The following TSC2 variants were observed in gnomAD, a reference collection of about 807,000 sequenced individuals.
TSC2 encodes tuberin.
Under a neutral mutation model 202.2 loss-of-function variants are expected in TSC2, and 29 were observed. That is an observed-to-expected ratio of 0.14 (90% CI 0.11 to 0.20). The LOEUF (loss-of-function observed/expected upper bound fraction) is 0.20. Ranked by LOEUF, TSC2 falls within the 10% of genes least tolerant of loss-of-function variation. The pLI is 1.00. For missense variants in TSC2, 2,429 were observed against 2,420.0 expected (o/e 1.00, Z -0.08); for synonymous variants, 1,349 against 1,044.0 (o/e 1.29, Z -5.63).
In TSC2 at chr16:2,062,848, CTG is replaced by C. The variant is rs2086804201; in HGVS notation, c.1362-121_1362-120del. 2.7e-6 allele frequency: 3 copies of C among 1,129,512 alleles called. No homozygotes were observed. The African/African-American group carries it at 4.6e-5, about 17-fold the overall frequency. 70.0% of individuals were successfully genotyped at this position (1,129,512 alleles called of 1,614,324 possible). On this transcript the variant is annotated intron_variant, in intron 13 of 41. Transcript: ENST00000219476. ...GAGATGCTCCCTGGGAAGCAGAGCT[CTG>C]TGCCCTGTGTGCCTGGCCGCGGGAG... is the stretch of plus-strand genomic sequence containing the variant.
chr16:2,065,209 C>T lies in TSC2; in HGVS notation c.1600-310C>T, dbSNP rs146267799. On this transcript the variant is annotated intron_variant, in intron 15 of 41. Coordinates refer to ENST00000219476, the MANE Select transcript of TSC2 (RefSeq NM_000548.5). Reference sequence around the variant, plus strand: ...CAGGCGGATCATGAGGTCAGGAGATCAAGACCATCCTGGCTAACACGGTGA... The same window carrying T: ...CAGGCGGATCATGAGGTCAGGAGATTAAGACCATCCTGGCTAACACGGTGA... The T allele has an allele frequency of 0.015, 5,207 of 341,720 alleles. 265 individuals are homozygous for T. The highest frequency in any genetic ancestry group is 0.1 in the African/African-American group (4,785 of 47,022). The allele number at this position is 341,720 out of a possible 1,614,324, so 21.2% of individuals were successfully genotyped here.
intron 2 of TSC2, among the ~76,000 whole-genome samples, chr16:2,049,025 A>G (rs1404782174): frequency 6.6e-6 from 1 of 152,210 alleles, no homozygotes; most frequent in Non-Finnish European, 1.5e-5. Flanking sequence ...TCATCTTCAC[A>G]GGTAAGGATA....
chr16:2,084,197 C>T (rs1374910521), intron 33 of TSC2, 31 bp from the exon 34 acceptor site: 3 of 1,557,800 alleles, frequency 1.9e-6, no homozygotes, highest in South Asian at 1.2e-5. Context: ...TGCCTGCTGA[C>T]AGGGGTTCTC....
At chr16:2,076,344 G>A (rs540653118) in intron 24 of TSC2, 147 bp from the exon 25 acceptor site, 8 of 1,562,348 alleles carry the variant, frequency 5.1e-6, no homozygotes, top group Admixed American at 1.8e-5. Context: ...TTTGATGCGC[G>A]GCAGGCATTG....
rs2090266691 is a variant in TSC2 at position 2,082,490 on chromosome 16, G to A, written c.3869G>A (p.Ser1290Asn). ...QSSCQGQLHRSVSWADSAVVM... is the reference protein window; with the variant it reads ...QSSCQGQLHRNVSWADSAVVM... ...AGCTGCCAAGGACAGCTGCACAGGA[G>A]CGTTTCCTGGGCAGGTATCGCCTCT... is the stretch of plus-strand genomic sequence containing the variant. Residue 1290 changes from serine to asparagine, a missense_variant, in exon 32 of 42, where the codon AGC (serine) becomes AAC (asparagine). Transcript: ENST00000219476. The A allele has an allele frequency of 6.2e-7, 1 of 1,612,034 alleles. No homozygotes were observed. The highest frequency in any genetic ancestry group is 8.5e-7 in the Non-Finnish European group (1 of 1,180,002).
At position 2,070,555 on chromosome 16, in the gene TSC2, A is replaced by G. The variant is rs371074761; in HGVS notation, c.1816A>G (p.Ile606Val). The change falls in exon 17 of 42, where the codon ATC (isoleucine) becomes GTC (valine). Residue 606 changes from isoleucine (I) to valine (V), a missense_variant. Coordinates refer to ENST00000219476, the MANE Select transcript of TSC2 (RefSeq NM_000548.5). ...LHYKHSYTLP[I>V]ASSIRLQAFD... ...CTACAAGCACAGCTACACCCTGCCA[A>G]TCGCGAGCAGCATCCGGCTGCAGGT... The G allele has an allele frequency of 1.0e-4, 161 of 1,613,034 alleles. No individual in the cohort carries two copies. Among genetic ancestry groups the G allele is most frequent in the Non-Finnish European group, 1.3e-4 (154 of 1,180,028 alleles).
intron 26 of TSC2, chr16:2,078,103 ATT>A: frequency 3.2e-6 from 1 of 308,810 alleles, no homozygotes; most frequent in Non-Finnish European, 6.3e-6. Flanking sequence ...AACAAGGTTT[ATT>A]TTTTGTTGTA....
At chr16:2,073,157 C>G (rs191719135) in intron 21 of TSC2, among the ~76,000 whole-genome samples, 174 bp downstream of exon 21, 17 of 152,226 alleles carry the variant, frequency 1.1e-4, no homozygotes, top group African/African-American at 3.4e-4. Flanking sequence ...ATCCGATTCC[C>G]TGGTGCTTCT....
chr16:2,048,016 G>A lies in TSC2; in HGVS notation c.-79G>A, dbSNP rs560939171. 7.5e-6 allele frequency: 11 copies of A among 1,465,452 alleles called. No individual in the cohort carries two copies. The highest frequency in any genetic ancestry group is 2.4e-5 in the Admixed American group (1 of 41,984). The allele number at this position is 1,465,452 out of a possible 1,614,324, so 90.8% of individuals were successfully genotyped here. ...GGCGGCGTCCCGGGGCCAGGGGGGT[G>A]CGCCTTTCTCCGCGTCGGGGCGGCC... is the stretch of plus-strand genomic sequence containing the variant. On this transcript the variant is annotated 5_prime_UTR_variant, in exon 1 of 42. Transcript: ENST00000219476.
At position 2,052,091 on chromosome 16, in the gene TSC2, G is replaced by A. The variant is rs1207861058; in HGVS notation, c.226-1251G>A. ...AAACAAAAAAAAGAACAAGCGTCCTGCATCCTGTTCTGAAAGTTGTTTGTG... is the reference window on the plus strand; with the variant it reads ...AAACAAAAAAAAGAACAAGCGTCCTACATCCTGTTCTGAAAGTTGTTTGTG... On this transcript the variant is annotated intron_variant, in intron 3 of 41. Transcript: ENST00000219476. 2.0e-5 allele frequency among the ~76,000 whole-genome samples: 3 copies of A among 152,148 alleles called. No homozygotes were observed. The East Asian group carries it at 5.8e-4, about 29-fold the overall frequency.
In TSC2 at chr16:2,088,750, C is replaced by T. The variant is rs894010540; in HGVS notation, c.*140C>T. ...TTTTATTGACTTTGTCTGCTTGGTGCGGGGGTTGGGGGGGTGTCGAGGCTC... is the reference window on the plus strand; with the variant it reads ...TTTTATTGACTTTGTCTGCTTGGTGTGGGGGTTGGGGGGGTGTCGAGGCTC... On this transcript the variant is annotated 3_prime_UTR_variant, in exon 42 of 42. Coordinates refer to ENST00000219476, the MANE Select transcript of TSC2 (RefSeq NM_000548.5). 6.1e-5 allele frequency: 74 copies of T among 1,219,088 alleles called. No homozygotes were observed. Among genetic ancestry groups the T allele is most frequent in the Middle Eastern group, 2.5e-4 (1 of 3,992 alleles). The allele number at this position is 1,219,088 out of a possible 1,614,324, so 75.5% of individuals were successfully genotyped here.
chr16:2,085,142 C>T (rs958296880), intron 35 of TSC2, 88 bp from the exon 36 acceptor site: 30 of 1,602,552 alleles, frequency 1.9e-5, no homozygotes, highest in Non-Finnish European at 2.6e-5. Flanking sequence ...GCCTAAGCTC[C>T]CTGTGGCAGC....
intron 1 of TSC2, 77 bp from the exon 2 acceptor site, chr16:2,048,510 G>A (rs1291944092): frequency 5.1e-6 from 8 of 1,582,230 alleles, no homozygotes; most frequent in Non-Finnish European, 6.9e-6. Flanking sequence ...CCAGGGTCCT[G>A]ACGGCTGGAG....
intron 17 of TSC2, 58 bp downstream of exon 17, chr16:2,070,636 T>C: frequency 1.2e-6 from 2 of 1,610,776 alleles, no homozygotes; most frequent in Non-Finnish European, 1.7e-6. Flanking sequence ...TATCCCCGTC[T>C]CGGCAGGTGT....
rs2090786691 is a variant in TSC2 at position 2,086,351 on chromosome 16, C to T, written c.4821C>T (p.Thr1607=). The change falls in exon 37 of 42, where the codon ACC becomes ACT. Residue 1607 remains threonine (T), a synonymous_variant. Coordinates refer to ENST00000219476, the MANE Select transcript of TSC2 (RefSeq NM_000548.5). Reference sequence around the variant, plus strand: ...TGTGTGGTGAGGACGGCCAGTTCACCTACTGCTGGCACGATGACATCATGC... The same window carrying T: ...TGTGTGGTGAGGACGGCCAGTTCACTTACTGCTGGCACGATGACATCATGC... ...LDVCGEDGQF[T]YCWHDDIMQA... 2 of 1,612,858 alleles carry T rather than the reference C, an allele frequency of 1.2e-6. No homozygotes were observed. Among genetic ancestry groups the T allele is most frequent in the Non-Finnish European group, 1.7e-6 (2 of 1,179,916 alleles).
At chr16:2,070,019 C>T (rs908606855) in intron 16 of TSC2, among the ~76,000 whole-genome samples, 1 of 152,230 alleles carries the variant, frequency 6.6e-6, no homozygotes, top group East Asian at 1.9e-4. Context: ...AAGGGTCCCT[C>T]AGGCCAGATT....
At position 2,084,264 on chromosome 16, in the gene TSC2, C is replaced by T. The variant is rs2151521367; in HGVS notation, c.4042C>T (p.His1348Tyr). The change falls in exon 34 of 42, where the codon CAC becomes TAC. Residue 1348 changes from histidine to tyrosine, a missense_variant. Transcript: ENST00000219476. ...SVSSQEEKSL[H>Y]AEELVGRGIP... The stretch of plus-strand genomic sequence containing the variant: ...CTCCAGCCAGGAGGAGAAGTCGCTC[C>T]ACGCGGAGGAGCTGGTTGGCAGGGG... 6.2e-7 allele frequency: 1 copy of T among 1,607,906 alleles called. No homozygotes were observed. The highest frequency in any genetic ancestry group is 1.1e-5 in the South Asian group (1 of 90,036).
intron 30 of TSC2, 190 bp downstream of exon 30, chr16:2,080,567 T>A: frequency 1.5e-6 from 1 of 667,952 alleles, no homozygotes; most frequent in South Asian, 2.0e-5. Context: ...CACTGCAAGC[T>A]CCACCTCCCG....
At chr16:2,083,951 C>T (rs2090449186) in intron 33 of TSC2, 135 bp downstream of exon 33, 4 of 1,430,012 alleles carry the variant, frequency 2.8e-6, no homozygotes, top group African/African-American at 1.4e-5. Flanking sequence ...ATCCCTCGTG[C>T]ACAGACGGTC....
Sources: allele counts gnomAD v4.1 joint callset (sites outside exome capture counted in the v4.1 genomes callset), GRCh38; gene constraint gnomAD v4.1.1; transcripts MANE v1.5; gene names NCBI Gene and HGNC (gene_info 2026-07-23, HGNC 2026-07-21).